The following ART3 variants were observed in gnomAD, a reference collection of about 807,000 sequenced individuals.
The protein encoded by ART3 is ecto-ADP-ribosyltransferase 3.
Under a neutral mutation model 48.5 loss-of-function variants are expected in ART3, and 49 were observed. The observed-to-expected ratio is 1.01, with a 90% CI of 0.80 to 1.28. The LOEUF (loss-of-function observed/expected upper bound fraction) is 1.28. Ranked by LOEUF, ART3 falls within the 50% of genes most tolerant of loss-of-function variation. The pLI is 0.00. For synonymous variants in ART3, 145 were observed against 157.2 expected, an observed-to-expected ratio of 0.92 and a Z score of 0.58; for missense variants, 438 against 454.3, an observed-to-expected ratio of 0.96 and a Z score of 0.33.
At position 76,082,181 on chromosome 4, in the gene ART3, A is replaced by G; in HGVS notation, c.427A>G (p.Thr143Ala). The G allele has an allele frequency of 2.5e-6, 4 of 1,614,118 alleles. No individual in the cohort carries two copies. The highest frequency in any genetic ancestry group is 1.7e-6 in the Non-Finnish European group (2 of 1,179,966). ...GTTCAAAGCTTTCCACTTTTACCTC[A>G]CAAGAGCCCTGCAGTTGCTGAGAAA... ...FQFKAFHFYLTRALQLLRKPC... is the reference protein window; with the variant it reads ...FQFKAFHFYLARALQLLRKPC... Residue 143 changes from threonine to alanine, a missense_variant, in exon 3 of 12, where the codon ACA (threonine) becomes GCA (alanine). By Grantham distance (58) the Thr-to-Ala change is moderately conservative. Transcript: ENST00000355810.
chr4:76,043,245 C>T (rs1350381569), intron 1 of ART3, among the ~76,000 whole-genome samples: 1 of 152,086 alleles, frequency 6.6e-6, no homozygotes, highest in East Asian at 1.9e-4. Flanking sequence ...GTGGATCCCG[C>T]ACCAGGGCTG....
intron 1 of ART3, among the ~76,000 whole-genome samples, chr4:76,033,238 A>G (rs1734039329): frequency 2.0e-5 from 3 of 152,188 alleles, no homozygotes; most frequent in South Asian, 2.1e-4. Flanking sequence ...GAACTAGGTG[A>G]TAGGAAGGAC....
At chr4:76,054,454 GT>G (rs1560601046) in intron 1 of ART3, among the ~76,000 whole-genome samples, 1 of 152,200 alleles carries the variant, frequency 6.6e-6, no homozygotes, top group South Asian at 2.1e-4. Context: ...CAGGAAAGAT[GT>G]TTTTTGTTCT....
intron 9 of ART3, 89 bp from the exon 10 acceptor site, chr4:76,104,508 T>C (rs974230851): frequency 3.2e-6 from 5 of 1,545,428 alleles, no homozygotes; most frequent in Non-Finnish European, 3.5e-6. Context: ...CCTTGGGTGC[T>C]TGCATCTCTT....
At chr4:76,031,677 T>C (rs1278272705) in intron 1 of ART3, among the ~76,000 whole-genome samples, 1 of 152,240 alleles carries the variant, frequency 6.6e-6, no homozygotes, top group African/African-American at 2.4e-5. Context: ...TTCCTACTAC[T>C]GTACATTCCC....
chr4:76,041,689 C>G (rs1460031920), intron 1 of ART3, among the ~76,000 whole-genome samples: 1 of 152,104 alleles, frequency 6.6e-6, no homozygotes, highest in Admixed American at 6.6e-5. Flanking sequence ...ATTACTAAGT[C>G]TTCAAATTGA....
rs1011569506 is a variant in ART3 at position 76,044,900 on chromosome 4, C to G, written c.-9-30981C>G. Among the ~76,000 whole-genome samples the G allele has an allele frequency of 2.0e-5, 3 of 152,124 alleles. 1 individual carries two copies. Among genetic ancestry groups the G allele is most frequent in the Non-Finnish European group, 4.4e-5 (3 of 67,992 alleles). ...ACCATGTGCAATAACTCCATAACTT[C>G]CCTGTGGCATCCAGCGGGGGTTCCC... On this transcript the variant is annotated intron_variant, in intron 1 of 9. Coordinates refer to the ART3 transcript ENST00000341029.
At chr4:76,068,506 C>G (rs1236330441) in intron 1 of ART3, among the ~76,000 whole-genome samples, 1 of 152,128 alleles carries the variant, frequency 6.6e-6, no homozygotes, top group Non-Finnish European at 1.5e-5. Flanking sequence ...GGCCATTATC[C>G]TTAGCAAACT....
Position 76,097,444 on chromosome 4 carries a change from C to T in ART3, c.782-200C>T, listed in dbSNP as rs181144036. On this transcript the variant is annotated intron_variant, in intron 3 of 11. Transcript: ENST00000355810. The stretch of plus-strand genomic sequence containing the variant: ...CTGGTCTTGAACTCCTGGGCTGAAG[C>T]GATCCTCCTGCATCAGCCTTTCGAA... Among the ~76,000 whole-genome samples the T allele has an allele frequency of 3.3e-5, 5 of 152,180 alleles. No homozygotes were observed. The East Asian group carries it at 9.7e-4, about 29-fold the overall frequency.
At chr4:76,025,886 T>C (rs975241724) in intron 1 of ART3, among the ~76,000 whole-genome samples, 1 of 152,190 alleles carries the variant, frequency 6.6e-6, no homozygotes, top group Non-Finnish European at 1.5e-5. Context: ...GGGCATATGC[T>C]TTCATTTTGT....
chr4:76,028,062 A>T (rs1433674632), intron 1 of ART3, among the ~76,000 whole-genome samples: 4 of 152,206 alleles, frequency 2.6e-5, no homozygotes, highest in Non-Finnish European at 5.9e-5. Flanking sequence ...TAGTATCAGA[A>T]CAGTACCTGG....
At chr4:76,065,698 T>G (rs2149490306) in intron 1 of ART3, among the ~76,000 whole-genome samples, 1 of 151,848 alleles carries the variant, frequency 6.6e-6, no homozygotes, top group Non-Finnish European at 1.5e-5. Context: ...ACCAATAGGA[T>G]TTGTCCACAA....
chr4:76,089,606 T>C (rs1724388282), intron 3 of ART3, among the ~76,000 whole-genome samples: 1 of 152,184 alleles, frequency 6.6e-6, no homozygotes, highest in Admixed American at 6.5e-5. Flanking sequence ...CAAAACTCCT[T>C]TCTTTATAAA....
At chr4:76,017,417 C>G (rs143190234) in intron 1 of ART3, among the ~76,000 whole-genome samples, 2 of 151,954 alleles carry the variant, frequency 1.3e-5, no homozygotes, top group African/African-American at 4.8e-5. Flanking sequence ...CTGCCCAGCA[C>G]TCTATCCTAC....
chr4:76,079,916 T>TCACACACA (rs373509112), intron 2 of ART3, among the ~76,000 whole-genome samples: 5 of 148,110 alleles, frequency 3.4e-5, no homozygotes, highest in African/African-American at 2.5e-5. Context: ...TCTCTCTCTC[T>TCACACACA]CTCACACACA....
chr4:76,102,687 A>G (rs1348369559), intron 8 of ART3, among the ~76,000 whole-genome samples: 1 of 125,274 alleles, frequency 8.0e-6, no homozygotes, highest in Non-Finnish European at 1.9e-5. Context: ...ATATGTATAT[A>G]TATGTATGCA....
chr4:76,070,950 T>C (rs1336434977), upstream of ART3, among the ~76,000 whole-genome samples: 1 of 151,996 alleles, frequency 6.6e-6, no homozygotes, highest in Admixed American at 6.6e-5. Context: ...CCCTTTTGCC[T>C]ACTCAAGAAG....
chr4:76,085,507 G>A (rs916995790), intron 3 of ART3, among the ~76,000 whole-genome samples: 2 of 152,162 alleles, frequency 1.3e-5, no homozygotes, highest in African/African-American at 2.4e-5. Context: ...TTTTCTCTAG[G>A]CACCTTATTT....
At chr4:76,088,898 A>G (rs570830020) in intron 3 of ART3, among the ~76,000 whole-genome samples, 1 of 152,298 alleles carries the variant, frequency 6.6e-6, no homozygotes, top group Non-Finnish European at 1.5e-5. Context: ...TTTCAAAGTT[A>G]CATGTTATAT....
Sources: gnomAD v4.1 joint callset for allele counts (sites outside exome capture counted in the v4.1 genomes callset) on GRCh38, gnomAD v4.1.1 for gene constraint, MANE v1.5 for transcripts, NCBI Gene and HGNC (gene_info 2026-07-23, HGNC 2026-07-21) for gene names.